METTL9: variants seen among roughly 807,000 people sequenced by gnomAD.
The protein encoded by METTL9 is methyltransferase 9, His-X-His N1(pi)-histidine.
A neutral mutation model predicts 36.0 loss-of-function variants in METTL9; 10 were observed. The ratio of observed to expected loss-of-function variants is 0.28; its 90% CI spans 0.17 to 0.47. The LOEUF (loss-of-function observed/expected upper bound fraction) is 0.47. METTL9 is among the 20% of genes least tolerant of loss of function. METTL9 has a pLI of 0.99. For missense variants in METTL9, 246 were observed against 383.5 expected, an observed-to-expected ratio of 0.64 and a Z score of 3.00; for synonymous variants, 175 against 149.7, an observed-to-expected ratio of 1.17 and a Z score of -1.23.
intron 4 of METTL9, chr16:21,652,653 C>CT: frequency 7.0e-7 from 1 of 1,421,328 alleles, no homozygotes; most frequent in Admixed American, 1.9e-5. Context: ...AGTTGGCTTT[C>CT]TTTTTTCAGA....
chr16:21,647,047 C>G (rs1567346747), intron 4 of METTL9: 19 of 1,568,084 alleles, frequency 1.2e-5, no homozygotes, highest in South Asian at 1.1e-4. Flanking sequence ...AATTTATCTC[C>G]TGATTTCTAC....
At chr16:21,642,465 A>G (rs1367601344) in intron 4 of METTL9, 1 of 152,212 alleles carries the variant, frequency 6.6e-6, no homozygotes, top group African/African-American at 2.4e-5. Context: ...GAGCTATCTC[A>G]TCATGCATCA....
At position 21,612,623 on chromosome 16, in the gene METTL9, CTTTTTTTTTTTTTT is replaced by C; in HGVS notation, c.166-16_166-3del. On this transcript the variant is annotated splice_region_variant and splice_polypyrimidine_tract_variant and intron_variant, in intron 1 of 4. Coordinates refer to ENST00000358154, the MANE Select transcript of METTL9 (RefSeq NM_016025.5). ...TCGGTTGTGTGTTTTAATTTTTGTTCTTTTTTTTTTTTTTTTTTTAGTGGTATGTGTGCAACAGA... is the reference window on the plus strand; with the variant it reads ...TCGGTTGTGTGTTTTAATTTTTGTTCTTTTTAGTGGTATGTGTGCAACAGA... The C allele has an allele frequency of 8.0e-7, 1 of 1,249,894 alleles. No homozygotes were observed. The highest frequency in any genetic ancestry group is 1.0e-6 in the Non-Finnish European group (1 of 987,108). The allele number at this position is 1,249,894 out of a possible 1,614,324, so 77.4% of individuals were successfully genotyped here.
intron 4 of METTL9, chr16:21,644,475 A>G (rs1268361203): frequency 9.8e-7 from 1 of 1,018,120 alleles, no homozygotes; most frequent in Non-Finnish European, 1.5e-6. Flanking sequence ...TATCCTTCAC[A>G]CTGCGTTTTA....
intron 3 of METTL9, among the ~76,000 whole-genome samples, chr16:21,619,587 A>ATTTT (rs35728063): frequency 4.8e-5 from 6 of 124,222 alleles, no homozygotes; most frequent in Admixed American, 1.8e-4. Context: ...TGCCCGGCTA[A>ATTTT]TTTTTTTTTT....
chr16:21,655,213 C>A lies in METTL9; in HGVS notation c.752-14C>A, dbSNP rs1395305766. On this transcript the variant is annotated splice_polypyrimidine_tract_variant and intron_variant, in intron 4 of 4. Transcript: ENST00000358154. ...TTGTTCAAGAATTTAACTGAATGTTCTTATTTGTATTAGTAGGTGGCAAGT... is the reference window on the plus strand; with the variant it reads ...TTGTTCAAGAATTTAACTGAATGTTATTATTTGTATTAGTAGGTGGCAAGT... 1 of 1,607,442 alleles carries A rather than the reference C, an allele frequency of 6.2e-7. No homozygotes were observed. Among genetic ancestry groups the A allele is most frequent in the Middle Eastern group, 1.7e-4 (1 of 6,038 alleles).
chr16:21,632,031 G>A (rs978927852), intron 4 of METTL9, among the ~76,000 whole-genome samples: 2 of 151,450 alleles, frequency 1.3e-5, no homozygotes, highest in Non-Finnish European at 2.9e-5. Flanking sequence ...TTCCCTTTCT[G>A]CTGGTTTTTC....
intron 4 of METTL9, chr16:21,626,878 C>G: frequency 2.3e-6 from 2 of 868,792 alleles, no homozygotes; most frequent in African/African-American, 1.8e-5. Flanking sequence ...GATGAAAGAG[C>G]AGGGGGAAGA....
rs1054209677 is a variant in METTL9, at chr16:21,655,208, A to G, written c.752-19A>G. 4 of 1,602,836 alleles carry G rather than the reference A, an allele frequency of 2.5e-6. No homozygotes were observed. The East Asian group carries it at 6.7e-5, about 27-fold the overall frequency. On this transcript the variant is annotated intron_variant, in intron 4 of 4. Transcript: ENST00000358154. ...CTTGTTTGTTCAAGAATTTAACTGA[A>G]TGTTCTTATTTGTATTAGTAGGTGG...
intron 4 of METTL9, chr16:21,652,688 A>G (rs905752021): frequency 1.4e-5 from 13 of 945,552 alleles, no homozygotes; most frequent in Non-Finnish European, 2.1e-5. Flanking sequence ...GAAGAGAGGA[A>G]CCTCTTATGA....
Position 21,625,131 on chromosome 16 carries a change from C to G in METTL9, c.751+16C>G. The G allele has an allele frequency of 6.2e-7, 1 of 1,612,606 alleles. No individual in the cohort carries two copies. The highest frequency in any genetic ancestry group is 8.5e-7 in the Non-Finnish European group (1 of 1,178,758). The stretch of plus-strand genomic sequence containing the variant: ...GTGGAAAACGGTAAGTGTGGTCAGT[C>G]AGGCTAGCTCTTACTGAGGATAGCT... On this transcript the variant is annotated intron_variant, in intron 4 of 4. Transcript: ENST00000358154.
In METTL9 at chr16:21,627,391, T is replaced by G. The variant is rs1463009496; in HGVS notation, c.751+2276T>G. Reference sequence around the variant, plus strand: ...AGTTGAACCACAGCAGTTTTGCTATTTGGAAAAAAAATGAAAAAAATACCA... The same window carrying G: ...AGTTGAACCACAGCAGTTTTGCTATGTGGAAAAAAAATGAAAAAAATACCA... On this transcript the variant is annotated intron_variant, in intron 4 of 4. Transcript: ENST00000358154. 5 of 985,040 alleles carry G rather than the reference T, an allele frequency of 5.1e-6. No individual in the cohort carries two copies. The African/African-American group carries it at 7.0e-5, about 14-fold the overall frequency. 61.0% of individuals were successfully genotyped at this position (985,040 alleles called of 1,614,324 possible). A position where few individuals can be genotyped will look rare whatever the true frequency, so the allele number is the denominator to read the frequency against.
At chr16:21,638,266 C>T (rs546081210) in intron 4 of METTL9, among the ~76,000 whole-genome samples, 1 of 152,064 alleles carries the variant, frequency 6.6e-6, no homozygotes, top group African/African-American at 2.4e-5. Flanking sequence ...TGCAGTGAGC[C>T]GAGATCACGC....
chr16:21,629,038 T>C (rs1965879994), intron 4 of METTL9, among the ~76,000 whole-genome samples: 1 of 151,864 alleles, frequency 6.6e-6, no homozygotes, highest in Non-Finnish European at 1.5e-5. Context: ...GGGTTATAGA[T>C]GTGTGCCACC....
intron 4 of METTL9, among the ~76,000 whole-genome samples, chr16:21,630,316 C>T (rs767807005): frequency 6.6e-6 from 1 of 152,246 alleles, no homozygotes; most frequent in Non-Finnish European, 1.5e-5. Flanking sequence ...CACGCTGGCT[C>T]CCGCCTGCAC....
chr16:21,618,192 C>A (rs937101114), intron 3 of METTL9, 118 bp downstream of exon 3: 1 of 816,974 alleles, frequency 1.2e-6, no homozygotes, highest in Non-Finnish European at 1.8e-6. Flanking sequence ...ACATAATTAA[C>A]TGGAAATGTA....
chr16:21,613,168 C>CTTTTTTTTTTTTTTTTTTTTTTTTTT lies in METTL9; in HGVS notation c.356+344_356+369dup, dbSNP rs57388340. On this transcript the variant is annotated intron_variant, in intron 2 of 4. Transcript: ENST00000358154. The stretch of plus-strand genomic sequence containing the variant: ...ATCAGGGGCTAGGTCTGAGAGTCTG[C>CTTTTTTTTTTTTTTTTTTTTTTTTTT]TTTTTTTTTTTTTTTTTTTTTTTTT... Among the ~76,000 whole-genome samples, 5 of 91,428 alleles carry CTTTTTTTTTTTTTTTTTTTTTTTTTT rather than the reference C, an allele frequency of 5.5e-5. 1 individual carries two copies. The highest frequency in any genetic ancestry group is 3.5e-4 in the East Asian group (1 of 2,830). The allele number at this position is 91,428 out of a possible 152,430, so 60.0% of individuals were successfully genotyped here.
intron 4 of METTL9, among the ~76,000 whole-genome samples, chr16:21,637,124 C>T (rs375811108): frequency 3.9e-5 from 6 of 152,116 alleles, no homozygotes; most frequent in African/African-American, 7.2e-5. Flanking sequence ...GGGACCCGAG[C>T]GGGTTGCTGC....
In METTL9 at chr16:21,636,498, G is replaced by A. The variant is rs147679774; in HGVS notation, c.751+11383G>A. 4.8e-4 allele frequency among the ~76,000 whole-genome samples: 73 copies of A among 152,302 alleles called. 1 individual carries two copies. The highest frequency in any genetic ancestry group is 1.6e-3 in the African/African-American group (68 of 41,580). On this transcript the variant is annotated intron_variant, in intron 4 of 4. Coordinates refer to ENST00000358154, the MANE Select transcript of METTL9 (RefSeq NM_016025.5). ...AGGTGAGAGGAAGTTTGTCTGACAGGCGTTAGGACCCAGGAGGCAAGGGTC... is the reference window on the plus strand; with the variant it reads ...AGGTGAGAGGAAGTTTGTCTGACAGACGTTAGGACCCAGGAGGCAAGGGTC...
Sources: gnomAD v4.1 joint callset for allele counts (sites outside exome capture counted in the v4.1 genomes callset) on GRCh38, gnomAD v4.1.1 for gene constraint, MANE v1.5 for transcripts, NCBI Gene and HGNC (gene_info 2026-07-23, HGNC 2026-07-21) for gene names.